The following FUT9 variants were observed in gnomAD, a reference collection of about 807,000 sequenced individuals.
FUT9 encodes the protein fucosyltransferase 9.
A neutral mutation model predicts 29.7 loss-of-function variants in FUT9; 15 were observed. The ratio of observed to expected loss-of-function variants is 0.51; its 90% confidence interval spans 0.34 to 0.78. The LOEUF is 0.78. Among genes scored for constraint, FUT9 ranks in the 30% least tolerant of loss-of-function variants. FUT9 has a pLI of 0.01. For missense variants in FUT9, 319 were observed against 425.4 expected, an observed-to-expected ratio of 0.75 and a Z score of 2.20; for synonymous variants, 169 against 153.7, an observed-to-expected ratio of 1.10 and a Z score of -0.74.
chr6:96,104,149 C>G (rs1290421744), intron 1 of FUT9, among the ~76,000 whole-genome samples: 5 of 151,948 alleles, frequency 3.3e-5, no homozygotes, highest in Admixed American at 2.0e-4. Context: ...AAGAGCATTC[C>G]TAGTAACTGC....
intron 1 of FUT9, among the ~76,000 whole-genome samples, chr6:96,036,158 T>G (rs1375555694): frequency 6.7e-6 from 1 of 148,186 alleles, no homozygotes; most frequent in African/African-American, 2.5e-5. Flanking sequence ...ATTTTAGATT[T>G]CTTATATATT....
chr6:96,129,256 C>T (rs1007785643), intron 2 of FUT9, among the ~76,000 whole-genome samples: 2 of 121,456 alleles, frequency 1.6e-5, no homozygotes, highest in Non-Finnish European at 3.2e-5. Flanking sequence ...GAGAATGAGA[C>T]TCTGTCTCAA....
intron 1 of FUT9, among the ~76,000 whole-genome samples, chr6:96,057,629 T>C (rs1249669071): frequency 6.6e-6 from 1 of 152,180 alleles, no homozygotes; most frequent in Non-Finnish European, 1.5e-5. Flanking sequence ...TTAAAACCTA[T>C]TGCTTCCAAA....
chr6:96,091,274 G>T (rs1350912167), intron 1 of FUT9, among the ~76,000 whole-genome samples: 1 of 151,966 alleles, frequency 6.6e-6, no homozygotes, highest in Non-Finnish European at 1.5e-5. Flanking sequence ...CCATGAGAAG[G>T]TTAAATACTG....
At chr6:96,127,922 A>G (rs1772163448) in intron 2 of FUT9, among the ~76,000 whole-genome samples, 1 of 152,120 alleles carries the variant, frequency 6.6e-6, no homozygotes, top group Non-Finnish European at 1.5e-5. Flanking sequence ...GATTCTGGAT[A>G]TTAGACCTTT....
chr6:96,055,599 G>C (rs966607068), intron 1 of FUT9, among the ~76,000 whole-genome samples: 7 of 151,750 alleles, frequency 4.6e-5, no homozygotes, highest in African/African-American at 9.7e-5. Flanking sequence ...ATGCATCATG[G>C]GGGTTTGTTG....
At chr6:96,043,423 T>C (rs148208413) in intron 1 of FUT9, among the ~76,000 whole-genome samples, 2 of 152,374 alleles carry the variant, frequency 1.3e-5, no homozygotes, top group Admixed American at 6.5e-5. Flanking sequence ...TGTTAAGTTA[T>C]AGTTACAATA....
intron 1 of FUT9, among the ~76,000 whole-genome samples, chr6:96,062,193 GA>G (rs145132334): frequency 0.039 from 5,824 of 149,568 alleles, 156 homozygotes; most frequent in South Asian, 0.12. Flanking sequence ...CTGTAATAAT[GA>G]AAAAAAGAAA....
chr6:96,147,163 C>A (rs1389433021), intron 2 of FUT9, among the ~76,000 whole-genome samples: 22 of 143,456 alleles, frequency 1.5e-4, no homozygotes, highest in African/African-American at 5.3e-4. Flanking sequence ...TTTTATTTTT[C>A]TTTTTTTTTT....
intron 2 of FUT9, among the ~76,000 whole-genome samples, chr6:96,172,889 A>G (rs1368089715): frequency 6.6e-6 from 1 of 152,168 alleles, no homozygotes; most frequent in African/African-American, 2.4e-5. Context: ...AAACATTTAC[A>G]TAACTTAGAA....
intron 1 of FUT9, among the ~76,000 whole-genome samples, chr6:96,023,642 G>C (rs1040029305): frequency 6.6e-6 from 1 of 151,890 alleles, no homozygotes; most frequent in African/African-American, 2.4e-5. Flanking sequence ...GATACCAAGA[G>C]TTTAATCTGT....
intron 1 of FUT9, among the ~76,000 whole-genome samples, chr6:96,090,543 A>G (rs1223298658): frequency 6.6e-6 from 1 of 151,944 alleles, no homozygotes; most frequent in African/African-American, 2.4e-5. Context: ...AAACTAAAAT[A>G]AAACATATAT....
chr6:96,033,634 C>T (rs994382651), intron 1 of FUT9, among the ~76,000 whole-genome samples: 1 of 151,556 alleles, frequency 6.6e-6, no homozygotes, highest in African/African-American at 2.4e-5. Context: ...TTGACATAGA[C>T]CAGTTGTATA....
intron 2 of FUT9, among the ~76,000 whole-genome samples, chr6:96,127,215 G>T (rs886552709): frequency 6.6e-6 from 1 of 152,020 alleles, no homozygotes; most frequent in Non-Finnish European, 1.5e-5. Context: ...AGGCCCCAGT[G>T]GCTGGCTTTT....
intron 1 of FUT9, among the ~76,000 whole-genome samples, chr6:96,105,584 C>A (rs1294708479): frequency 6.6e-6 from 1 of 151,986 alleles, no homozygotes; most frequent in Admixed American, 6.6e-5. Context: ...TTCCCAAGAG[C>A]CTTTTGTCTA....
intron 1 of FUT9, among the ~76,000 whole-genome samples, chr6:96,097,088 C>A (rs187535147): frequency 6.6e-6 from 1 of 152,228 alleles, no homozygotes; most frequent in Non-Finnish European, 1.5e-5. Context: ...GATCCAAAGT[C>A]AAAGCACAGA....
At chr6:96,123,098 A>G (rs1772062395) in intron 2 of FUT9, among the ~76,000 whole-genome samples, 1 of 137,026 alleles carries the variant, frequency 7.3e-6, no homozygotes, top group Admixed American at 7.5e-5. Flanking sequence ...AAAAAAAAAA[A>G]GCTTATATTG....
At chr6:96,109,776 G>A (rs1562127993) in intron 1 of FUT9, among the ~76,000 whole-genome samples, 2 of 152,064 alleles carry the variant, frequency 1.3e-5, no homozygotes, top group Non-Finnish European at 2.9e-5. Context: ...ATTGTATTCA[G>A]ATCATGCTAG....
At chr6:96,186,222 A>T (rs1408471795) in intron 2 of FUT9, among the ~76,000 whole-genome samples, 1 of 151,634 alleles carries the variant, frequency 6.6e-6, no homozygotes. Flanking sequence ...TTTCTATTTC[A>T]GTTCTTACTA....
Sources: allele counts gnomAD v4.1 joint callset (sites outside exome capture counted in the v4.1 genomes callset), GRCh38; gene constraint gnomAD v4.1.1; transcripts MANE v1.5; gene names NCBI Gene and HGNC (gene_info 2026-07-23, HGNC 2026-07-21).